The following COL5A2 variants were observed in gnomAD, a reference collection of about 807,000 sequenced individuals.
COL5A2 encodes the protein collagen type V alpha 2 chain, also known as collagen alpha-2(V) chain.
A neutral mutation model predicts 208.2 loss-of-function variants in COL5A2; 23 were observed. The observed-to-expected ratio is 0.11, with a 90% CI of 0.08 to 0.16. The LOEUF is 0.16. Ranked by LOEUF, COL5A2 falls within the 10% of genes least tolerant of loss-of-function variation. The pLI, the probability that COL5A2 is intolerant of heterozygous loss-of-function variation, is 1.00. For synonymous variants in COL5A2, 625 were observed against 628.5 expected, an observed-to-expected ratio of 0.99 and a Z score of 0.08; for missense variants, 1,590 against 1,956.4, an observed-to-expected ratio of 0.81 and a Z score of 3.53.
the COL5A2 span, among the ~76,000 whole-genome samples, chr2:189,381,923 TTG>T: frequency 6.6e-6 from 1 of 152,100 alleles, no homozygotes; most frequent in Non-Finnish European, 1.5e-5. Context: ...CCCTTTATTA[TTG>T]TGTCATTAGA....
chr2:189,335,704 G>A, the COL5A2 span, among the ~76,000 whole-genome samples: 1 of 151,990 alleles, frequency 6.6e-6, no homozygotes, highest in South Asian at 2.1e-4. Flanking sequence ...GTCCAGAATA[G>A]GCAATTCTGC....
chr2:189,170,696 G>A (rs1576571723), intron 1 of COL5A2, among the ~76,000 whole-genome samples: 1 of 152,164 alleles, frequency 6.6e-6, no homozygotes, highest in South Asian at 2.1e-4. Context: ...TACAGTGGAG[G>A]AGAACATGAG....
At chr2:189,036,907 T>G (rs567271483) in intron 51 of COL5A2, 104 bp from the exon 52 acceptor site, 2 of 937,420 alleles carry the variant, frequency 2.1e-6, no homozygotes, top group African/African-American at 3.3e-5. Flanking sequence ...ACTCACTGAT[T>G]AAGGATTCTT....
chr2:189,394,331 G>A, the COL5A2 span, among the ~76,000 whole-genome samples: 16 of 151,900 alleles, frequency 1.1e-4, no homozygotes, highest in African/African-American at 2.7e-4. Context: ...GAGTTACTAT[G>A]GACTGAATGT....
intron 6 of COL5A2, among the ~76,000 whole-genome samples, chr2:189,094,859 C>T (rs542504549): frequency 2.0e-5 from 3 of 150,868 alleles, no homozygotes; most frequent in Admixed American, 6.6e-5. Context: ...AAATCATTGG[C>T]TAATCCTGAA....
the COL5A2 span, among the ~76,000 whole-genome samples, chr2:189,321,165 AGC>A: frequency 1.3e-5 from 2 of 152,224 alleles, no homozygotes; most frequent in African/African-American, 4.8e-5. Context: ...TCCTGAAGGA[AGC>A]ACTAAACATG....
At chr2:189,192,418 A>G (rs1200548637) in intron 1 of COL5A2, among the ~76,000 whole-genome samples, 1 of 152,166 alleles carries the variant, frequency 6.6e-6, no homozygotes, top group Non-Finnish European at 1.5e-5. Flanking sequence ...GCCTCTCACT[A>G]ACCACTTTAC....
intron 5 of COL5A2, 179 bp from the exon 6 acceptor site, chr2:189,097,509 G>T (rs1005429564): frequency 9.8e-6 from 7 of 711,984 alleles, no homozygotes; most frequent in South Asian, 9.1e-5. Flanking sequence ...TAGAAGCGTT[G>T]TTTATGTTAT....
the COL5A2 span, among the ~76,000 whole-genome samples, chr2:189,237,575 G>A: frequency 4.0e-5 from 6 of 151,732 alleles, no homozygotes; most frequent in East Asian, 9.6e-4. Flanking sequence ...CCTCAGAGAA[G>A]TTAATGAGTT....
At chr2:189,035,330 G>T (rs1020806552) in intron 52 of COL5A2, among the ~76,000 whole-genome samples, 175 bp from the exon 53 acceptor site, 1 of 152,024 alleles carries the variant, frequency 6.6e-6, no homozygotes, top group Non-Finnish European at 1.5e-5. Context: ...ATCTTAAAAT[G>T]TCTATGAATA....
chr2:189,191,683 G>T (rs1688933001), intron 1 of COL5A2, among the ~76,000 whole-genome samples: 1 of 151,996 alleles, frequency 6.6e-6, no homozygotes, highest in African/African-American at 2.4e-5. Context: ...TAACTGCAAT[G>T]AATCTCAACC....
Position 189,058,829 on chromosome 2 carries a change from A to G in COL5A2, c.2130+20T>C, listed in dbSNP as rs1685958885. ...AAGCCAGTGGGAAACAACATTAATC[A>G]TGAAGATTAAAATACTTACTCTAGG... On this transcript the variant is annotated intron_variant, in intron 32 of 53. Coordinates refer to ENST00000374866, the MANE Select transcript of COL5A2 (RefSeq NM_000393.5). The G allele has an allele frequency of 1.2e-6, 2 of 1,607,952 alleles. No homozygotes were observed. The highest frequency in any genetic ancestry group is 2.2e-5 in the East Asian group (1 of 44,810).
the COL5A2 span, among the ~76,000 whole-genome samples, chr2:189,290,824 T>C: frequency 1.2e-4 from 18 of 151,588 alleles, no homozygotes; most frequent in South Asian, 3.5e-3. Flanking sequence ...ATAACAAATA[T>C]GTGAATGGTA....
the COL5A2 span, among the ~76,000 whole-genome samples, chr2:189,281,693 T>C: frequency 6.6e-6 from 1 of 152,192 alleles, no homozygotes. Flanking sequence ...AACAAATATT[T>C]ACTGTGTACT....
Position 189,035,129 on chromosome 2 carries a change from A to T in COL5A2, c.4140T>A (p.Pro1380=), listed in dbSNP as rs766578755. ...SQFAYGDHQS[P]NTAITQMTFL... Reference sequence around the variant, plus strand: ...AAGTCATCTGAGTAATGGCTGTATTAGGTGATTGGTGGTCTCCATAAGCGA... The same window carrying T: ...AAGTCATCTGAGTAATGGCTGTATTTGGTGATTGGTGGTCTCCATAAGCGA... The change falls in exon 53 of 54, where the codon CCT becomes CCA. Residue 1380 remains proline (P), a synonymous_variant. Coordinates refer to ENST00000374866, the MANE Select transcript of COL5A2 (RefSeq NM_000393.5). 1.2e-6 allele frequency: 2 copies of T among 1,613,912 alleles called. No homozygotes were observed. Among genetic ancestry groups the T allele is most frequent in the Middle Eastern group, 3.3e-4 (2 of 6,058 alleles).
intron 37 of COL5A2, 138 bp downstream of exon 37, chr2:189,053,757 A>G (rs1685840721): frequency 1.2e-6 from 1 of 867,656 alleles, no homozygotes; most frequent in South Asian, 1.6e-5. Flanking sequence ...TTTAATTAGA[A>G]AAGCAAAAGC....
the COL5A2 span, among the ~76,000 whole-genome samples, chr2:189,346,355 C>G: frequency 0.14 from 21,460 of 152,068 alleles, 1,944 homozygotes; most frequent in South Asian, 0.21. Flanking sequence ...CTAACTGGAA[C>G]TCCAGGATAA....
chr2:189,059,585 GTTTTTTTTT>G (rs71020980), intron 31 of COL5A2, among the ~76,000 whole-genome samples: 559 of 28,660 alleles, frequency 0.02, 10 homozygotes, highest in Admixed American at 0.046. Flanking sequence ...TTCTTTTCTG[GTTTTTTTTT>G]TTTTTTTTTT....
At chr2:189,401,552 A>G in the COL5A2 span, among the ~76,000 whole-genome samples, 1 of 152,162 alleles carries the variant, frequency 6.6e-6, no homozygotes, top group South Asian at 2.1e-4. Flanking sequence ...TTATAATAGA[A>G]TGATTTGTAT....
Sources: allele counts gnomAD v4.1 joint callset (sites outside exome capture counted in the v4.1 genomes callset), GRCh38; gene constraint gnomAD v4.1.1; transcripts MANE v1.5; gene names NCBI Gene and HGNC (gene_info 2026-07-23, HGNC 2026-07-21).